DYNC2H1: variants seen among roughly 807,000 people sequenced by gnomAD.
The protein encoded by DYNC2H1 is dynein cytoplasmic 2 heavy chain 1.
Under a neutral mutation model 570.0 loss-of-function variants are expected in DYNC2H1, and 410 were observed. That is an observed-to-expected ratio of 0.72 (90% CI 0.66 to 0.78). The LOEUF is 0.78. Ranked by LOEUF, DYNC2H1 falls within the 30% of genes least tolerant of loss-of-function variation. The probability of loss-of-function intolerance (pLI) is 0.00; values close to 1 mark genes in which losing one functional copy is unlikely to be tolerated. For missense variants in DYNC2H1, 4,865 were observed against 5,046.4 expected, an observed-to-expected ratio of 0.96 and a Z score of 1.09; for synonymous variants, 1,688 against 1,677.6, an observed-to-expected ratio of 1.01 and a Z score of -0.15.
intron 83 of DYNC2H1, among the ~76,000 whole-genome samples, chr11:103,393,816 G>A (rs1050352222): frequency 9.2e-5 from 14 of 152,208 alleles, no homozygotes; most frequent in Admixed American, 5.2e-4. Flanking sequence ...GGCGGAAGGC[G>A]AGGAGGAGTT....
chr11:103,412,317 C>T (rs1329441839), intron 84 of DYNC2H1, among the ~76,000 whole-genome samples: 1 of 152,006 alleles, frequency 6.6e-6, no homozygotes, highest in Non-Finnish European at 1.5e-5. Context: ...TCTTTGATAA[C>T]TTATGATGAT....
At chr11:103,212,119 A>G (rs567076046) in intron 54 of DYNC2H1, among the ~76,000 whole-genome samples, 176 bp downstream of exon 54, 1 of 152,206 alleles carries the variant, frequency 6.6e-6, no homozygotes, top group East Asian at 1.9e-4. Flanking sequence ...TTTAGTGATG[A>G]TTTGTATTTT....
At chr11:103,392,199 G>A (rs571258774) in intron 83 of DYNC2H1, among the ~76,000 whole-genome samples, 2 of 152,328 alleles carry the variant, frequency 1.3e-5, no homozygotes, top group East Asian at 3.9e-4. Context: ...CTGGGCAATG[G>A]CGGGCGCCCC....
At chr11:103,180,682 A>G (rs572244551) in intron 39 of DYNC2H1, among the ~76,000 whole-genome samples, 1 of 151,540 alleles carries the variant, frequency 6.6e-6, no homozygotes, top group African/African-American at 2.4e-5. Flanking sequence ...AAATGTTATT[A>G]TTAATGATTC....
intron 43 of DYNC2H1, 126 bp downstream of exon 43, chr11:103,187,712 C>T: frequency 8.6e-7 from 1 of 1,169,152 alleles, no homozygotes; most frequent in Non-Finnish European, 1.2e-6. Context: ...GGAAATTAAA[C>T]TCCTGAAACA....
intron 84 of DYNC2H1, among the ~76,000 whole-genome samples, chr11:103,421,502 A>G (rs1229998721): frequency 6.6e-6 from 1 of 152,160 alleles, no homozygotes; most frequent in Non-Finnish European, 1.5e-5. Context: ...ATCATAACAA[A>G]CGGTCTCTTA....
chr11:103,310,025 A>G (rs1180236568), intron 78 of DYNC2H1, among the ~76,000 whole-genome samples: 1 of 152,110 alleles, frequency 6.6e-6, no homozygotes, highest in Non-Finnish European at 1.5e-5. Flanking sequence ...TAGTTCATTG[A>G]GATGTTCAAA....
chr11:103,284,341 C>A (rs535062677), intron 73 of DYNC2H1, among the ~76,000 whole-genome samples: 58 of 152,202 alleles, frequency 3.8e-4, no homozygotes, highest in African/African-American at 1.4e-3. Context: ...TTGTAATAGT[C>A]CTGAAAAAAA....
intron 75 of DYNC2H1, among the ~76,000 whole-genome samples, chr11:103,295,898 G>A (rs988337992): frequency 6.6e-6 from 1 of 152,126 alleles, no homozygotes; most frequent in South Asian, 2.1e-4. Context: ...AATCCACTGG[G>A]TCTGAGTGCC....
rs150468989 is a variant in DYNC2H1 at position 103,469,390 on chromosome 11, A to G, written c.12765+685A>G. 1.9e-3 allele frequency among the ~76,000 whole-genome samples: 290 copies of G among 152,362 alleles called. 3 individuals carry two copies. Among genetic ancestry groups the G allele is most frequent in the African/African-American group, 6.6e-3 (276 of 41,594 alleles). The stretch of plus-strand genomic sequence containing the variant: ...TTCTTAATAAAGTTTAAGAATGCAC[A>G]TATGACTACATGTGAATAAACTTTA... On this transcript the variant is annotated intron_variant, in intron 88 of 88. Transcript: ENST00000375735.
intron 44 of DYNC2H1, 41 bp downstream of exon 44, chr11:103,188,689 T>A: frequency 1.5e-6 from 2 of 1,370,346 alleles, no homozygotes; most frequent in Non-Finnish European, 1.9e-6. Flanking sequence ...TTTGGGAAGA[T>A]ATCATATATA....
intron 73 of DYNC2H1, among the ~76,000 whole-genome samples, chr11:103,283,771 C>A (rs1335293069): frequency 6.6e-6 from 1 of 151,924 alleles, no homozygotes; most frequent in Non-Finnish European, 1.5e-5. Context: ...TTTCTTGTTG[C>A]ATAGTCTGGG....
At chr11:103,192,367 T>C (rs1862352674) in intron 47 of DYNC2H1, 103 bp downstream of exon 47, 2 of 834,050 alleles carry the variant, frequency 2.4e-6, no homozygotes, top group Non-Finnish European at 3.3e-6. Flanking sequence ...ATAAAAACTT[T>C]GAATAATTTT....
At chr11:103,464,232 AGAT>A (rs747906006) in intron 87 of DYNC2H1, among the ~76,000 whole-genome samples, 51 of 152,352 alleles carry the variant, frequency 3.3e-4, no homozygotes, top group Non-Finnish European at 6.3e-4. Flanking sequence ...AAACAGGGAA[AGAT>A]AATACAGTTA....
chr11:103,348,752 C>A (rs1189749648), intron 82 of DYNC2H1, among the ~76,000 whole-genome samples: 1 of 152,056 alleles, frequency 6.6e-6, no homozygotes, highest in Non-Finnish European at 1.5e-5. Flanking sequence ...TTTGGCTGTG[C>A]CCTCACCCAA....
intron 83 of DYNC2H1, among the ~76,000 whole-genome samples, chr11:103,392,917 CTT>C (rs1227201200): frequency 6.8e-6 from 1 of 146,056 alleles, no homozygotes; most frequent in African/African-American, 2.5e-5. Context: ...GAGTTTCGCT[CTT>C]GTCACCCAGG....
Position 103,369,662 on chromosome 11 carries a change from C to T in DYNC2H1, c.12156+11303C>T, listed in dbSNP as rs963031245. ...ATAGGGAACCAGTCAAAGTTGTGAG[C>T]CCTTTTTCTAGGCCCTAGCTCCCGG... is the stretch of plus-strand genomic sequence containing the variant. On this transcript the variant is annotated intron_variant, in intron 83 of 88. Transcript: ENST00000375735. The surrounding 1 kb of genome is among the most constrained non-coding windows in gnomAD (Gnocchi z 4.0). 6.6e-6 allele frequency among the ~76,000 whole-genome samples: 1 copy of T among 152,162 alleles called. No homozygotes were observed. Among genetic ancestry groups the T allele is most frequent in the Non-Finnish European group, 1.5e-5 (1 of 68,028 alleles).
chr11:103,311,772 A>G, intron 78 of DYNC2H1, 106 bp from the exon 79 acceptor site: 6 of 1,092,174 alleles, frequency 5.5e-6, no homozygotes, highest in Non-Finnish European at 6.4e-6. Flanking sequence ...CAAACCCGGT[A>G]AGCAGTGAAA....
rs151160276 is a variant in DYNC2H1, at chr11:103,432,496, G to A, written c.12367-3447G>A. ...TGAACCACCACTGCACTGTATGTTC[G>A]TTAGTAGTTCCTAGGCCAAATGTGT... On this transcript the variant is annotated intron_variant, in intron 84 of 88. Coordinates refer to ENST00000375735, the MANE Select transcript of DYNC2H1 (RefSeq NM_001377.3). 4.1e-3 allele frequency among the ~76,000 whole-genome samples: 617 copies of A among 152,166 alleles called. 3 individuals are homozygous for A. The highest frequency in any genetic ancestry group is 0.014 in the African/African-American group (570 of 41,528).
Sources: gnomAD v4.1 joint callset for allele counts (sites outside exome capture counted in the v4.1 genomes callset) on GRCh38, gnomAD v4.1.1 for gene constraint, Gnocchi (gnomAD v3.1) non-coding constraint, MANE v1.5 for transcripts, NCBI Gene and HGNC (gene_info 2026-07-23, HGNC 2026-07-21) for gene names.